GFRA2: variants seen among roughly 807,000 people sequenced by gnomAD.
GFRA2 encodes the protein GDNF family receptor alpha 2, also known as GDNF family receptor alpha-2.
Under a neutral mutation model 48.3 loss-of-function variants are expected in GFRA2, and 17 were observed. The ratio of observed to expected loss-of-function variants is 0.35; its 90% CI spans 0.24 to 0.53. The LOEUF is 0.53. GFRA2 is among the 20% of genes least tolerant of loss of function. The pLI is 0.93. For synonymous variants in GFRA2, 305 were observed against 257.2 expected (o/e 1.19, Z -1.78); for missense variants, 660 against 637.3 (o/e 1.04, Z -0.38).
In GFRA2 at chr8:21,788,785, C is replaced by T. The variant is rs1266373039; in HGVS notation, c.-626G>A. On this transcript the variant is annotated 5_prime_UTR_variant, in exon 1 of 9. Transcript: ENST00000524240. ...TTTTTTCTAATGGAATTCCAGTGACCGTGTGTCTCTGCGTGCGTGTGTCTT... is the reference window on the plus strand; with the variant it reads ...TTTTTTCTAATGGAATTCCAGTGACTGTGTGTCTCTGCGTGCGTGTGTCTT... The T allele has an allele frequency of 1.0e-5, 10 of 985,450 alleles. No homozygotes were observed. Among genetic ancestry groups the T allele is most frequent in the African/African-American group, 3.5e-5 (2 of 57,346 alleles). The allele number at this position is 985,450 out of a possible 1,614,324, so 61.0% of individuals were successfully genotyped here. A position where few individuals can be genotyped will look rare whatever the true frequency, so the allele number is the denominator to read the frequency against.
chr8:21,743,255 C>T (rs577977106), intron 4 of GFRA2, among the ~76,000 whole-genome samples: 1 of 152,150 alleles, frequency 6.6e-6, no homozygotes, highest in Non-Finnish European at 1.5e-5. Flanking sequence ...CCCCCCGACA[C>T]TCCTCTGCAC....
rs1807936515 is a variant in GFRA2 at position 21,809,480 on chromosome 8, A to T, written c.-148+2751T>A. ...GCTGGGACTACAGGCGCCCGCCACC[A>T]TGCCCAGCTATTTTTTTTTTGTATT... On this transcript the variant is annotated intron_variant, in intron 1 of 10. Transcript: ENST00000517328. Among the ~76,000 whole-genome samples, 5 of 114,092 alleles carry T rather than the reference A, an allele frequency of 4.4e-5. No homozygotes were observed. In the South Asian group the frequency reaches 1.3e-3, roughly 29 times the overall value. The allele number at this position is 114,092 out of a possible 152,430, so 74.8% of individuals were successfully genotyped here. A position where few individuals can be genotyped will look rare whatever the true frequency, so the allele number is the denominator to read the frequency against.
At chr8:21,698,217 G>A (rs1168385509) in intron 7 of GFRA2, among the ~76,000 whole-genome samples, 1 of 152,216 alleles carries the variant, frequency 6.6e-6, no homozygotes, top group Non-Finnish European at 1.5e-5. Flanking sequence ...CCTCCACCAT[G>A]GAGGCAGCAC....
intron 2 of GFRA2, among the ~76,000 whole-genome samples, chr8:21,794,233 CTTTTTTTTTTTTT>C (rs1159236794): frequency 7.5e-5 from 5 of 66,958 alleles, no homozygotes; most frequent in Non-Finnish European, 1.4e-4. Flanking sequence ...CTGAGAGTGA[CTTTTTTTTTTTTT>C]TTTTTTTTTT....
intron 4 of GFRA2, among the ~76,000 whole-genome samples, chr8:21,720,749 T>A (rs73552696): frequency 0.012 from 1,823 of 152,240 alleles, 16 homozygotes; most frequent in Middle Eastern, 0.02. Context: ...AGGTACCAGG[T>A]CTTCCAGAAA....
At position 21,750,107 on chromosome 8, in the gene GFRA2, A is replaced by ACACG. The variant is rs373043589; in HGVS notation, c.794+477_794+480dup. ...TGTGTATACACACACACACACACAC[A>ACACG]CACGCACATATATAGGTAGAGACTG... On this transcript the variant is annotated intron_variant, in intron 4 of 8. Transcript: ENST00000524240. The surrounding 1 kb of genome is among the most constrained non-coding windows in gnomAD (Gnocchi z 5.7). Among the ~76,000 whole-genome samples the ACACG allele has an allele frequency of 1.4e-4, 21 of 150,726 alleles. No individual in the cohort carries two copies. The highest frequency in any genetic ancestry group is 3.4e-3 in the Middle Eastern group (1 of 292).
chr8:21,779,352 T>C (rs904509920), intron 2 of GFRA2, among the ~76,000 whole-genome samples: 2 of 152,222 alleles, frequency 1.3e-5, no homozygotes, highest in Admixed American at 6.5e-5. Context: ...CGTGGCCTGA[T>C]GCAGTGATAC....
In GFRA2 at chr8:21,709,682, C is replaced by T. The variant is rs141839069; in HGVS notation, c.795-3641G>A. The stretch of plus-strand genomic sequence containing the variant: ...CTGCCCACCACAGCAGACCAGAGGG[C>T]CCACACACTCTCTGCAGGTACTGGG... On this transcript the variant is annotated intron_variant, in intron 4 of 8. Coordinates refer to ENST00000524240, the MANE Select transcript of GFRA2 (RefSeq NM_001495.5). Among the ~76,000 whole-genome samples, 1,245 of 152,278 alleles carry T rather than the reference C, an allele frequency of 8.2e-3. 8 individuals are homozygous for T. Among genetic ancestry groups the T allele is most frequent in the Non-Finnish European group, 0.014 (959 of 68,018 alleles).
In GFRA2 at chr8:21,705,167, G is replaced by A. The variant is rs541407262; in HGVS notation, c.905-42C>T. 8.1e-5 allele frequency: 128 copies of A among 1,577,206 alleles called. No individual in the cohort carries two copies. In the South Asian group the frequency reaches 1.4e-3, roughly 17 times the overall value. On this transcript the variant is annotated intron_variant, in intron 5 of 8. Coordinates refer to ENST00000524240, the MANE Select transcript of GFRA2 (RefSeq NM_001495.5). ...GTGGGGGAGAGGAGAGAGGTACGGTGGGGCCTTCCCCTTGGGCCCACAGAC... is the reference window on the plus strand; with the variant it reads ...GTGGGGGAGAGGAGAGAGGTACGGTAGGGCCTTCCCCTTGGGCCCACAGAC...
At chr8:21,759,302 C>A (rs1805754280) in intron 3 of GFRA2, among the ~76,000 whole-genome samples, 1 of 151,170 alleles carries the variant, frequency 6.6e-6, no homozygotes. Context: ...AGGAGAATGG[C>A]TTGAACCCAG....
intron 2 of GFRA2, among the ~76,000 whole-genome samples, chr8:21,780,656 C>T (rs1338802572): frequency 6.6e-6 from 1 of 152,132 alleles, no homozygotes; most frequent in Non-Finnish European, 1.5e-5. Flanking sequence ...AAACAGATTC[C>T]CCATCCCCCT....
chr8:21,745,311 G>A (rs986421021), intron 4 of GFRA2, among the ~76,000 whole-genome samples: 1 of 152,216 alleles, frequency 6.6e-6, no homozygotes, highest in African/African-American at 2.4e-5. Context: ...TCCCTCAGCA[G>A]GAGGAGGGAC....
chr8:21,710,427 G>A (rs1802960097), intron 4 of GFRA2, among the ~76,000 whole-genome samples: 1 of 152,154 alleles, frequency 6.6e-6, no homozygotes, highest in Admixed American at 6.5e-5. Flanking sequence ...CCTGCAAGGT[G>A]GATCTCGGTC....
At chr8:21,763,121 T>C (rs933190383) in intron 3 of GFRA2, among the ~76,000 whole-genome samples, 6 of 152,186 alleles carry the variant, frequency 3.9e-5, no homozygotes, top group African/African-American at 1.4e-4. Flanking sequence ...TATCTTAAAA[T>C]ATAGCTATGA....
intron 4 of GFRA2, among the ~76,000 whole-genome samples, chr8:21,736,881 T>A (rs1387297388): frequency 8.9e-6 from 1 of 111,874 alleles, no homozygotes; most frequent in Non-Finnish European, 1.7e-5. Context: ...GGAGAAAAAA[T>A]AAGAGAAAAG....
At chr8:21,767,172 CACAA>C (rs1806207791) in intron 3 of GFRA2, among the ~76,000 whole-genome samples, 1 of 149,280 alleles carries the variant, frequency 6.7e-6, no homozygotes, top group Admixed American at 6.7e-5. Flanking sequence ...CACACACCAC[CACAA>C]ACACCCACAC....
intron 4 of GFRA2, among the ~76,000 whole-genome samples, chr8:21,729,923 A>G (rs1804096460): frequency 6.6e-6 from 1 of 152,128 alleles, no homozygotes; most frequent in Non-Finnish European, 1.5e-5. Flanking sequence ...GGTGGGCCCA[A>G]AGGTCTGCTC....
chr8:21,721,873 C>G (rs548043216), intron 4 of GFRA2, among the ~76,000 whole-genome samples: 2 of 152,172 alleles, frequency 1.3e-5, no homozygotes, highest in African/African-American at 4.8e-5. Context: ...AATATATTCT[C>G]GGAGTCACAG....
At position 21,690,879 on chromosome 8, in the gene GFRA2, A is replaced by G. The variant is rs933892025; in HGVS notation, c.*2399T>C. The G allele has an allele frequency of 1.3e-5, 2 of 152,256 alleles. No homozygotes were observed. Among genetic ancestry groups the G allele is most frequent in the African/African-American group, 4.8e-5 (2 of 41,412 alleles). 9.4% of individuals were successfully genotyped at this position (152,256 alleles called of 1,614,324 possible). The stretch of plus-strand genomic sequence containing the variant: ...CCACCTTCTCCCATAGCCTTCCAGT[A>G]AAGTACTTTTTAAGTTAAATGGTCT... On this transcript the variant is annotated 3_prime_UTR_variant, in exon 9 of 9. Transcript: ENST00000524240.
Sources: allele counts gnomAD v4.1 joint callset (sites outside exome capture counted in the v4.1 genomes callset), GRCh38; gene constraint gnomAD v4.1.1; non-coding constraint Gnocchi (gnomAD v3.1); transcripts MANE v1.5; gene names NCBI Gene and HGNC (gene_info 2026-07-23, HGNC 2026-07-21).